Variants in EYS observed in about 807,000 individuals in gnomAD.
EYS encodes EGF-like photoreceptor maintenance factor.
EYS carries 250 observed loss-of-function variants against 282.1 expected under a neutral mutation model. The observed-to-expected ratio is 0.89, with a 90% CI of 0.80 to 0.98. The LOEUF (loss-of-function observed/expected upper bound fraction) is 0.98. EYS is among the 50% of genes least tolerant of loss of function. The probability of loss-of-function intolerance (pLI) is 0.00; values close to 1 mark genes in which losing one functional copy is unlikely to be tolerated. For synonymous variants in EYS, 1,355 were observed against 1,282.9 expected, an observed-to-expected ratio of 1.06 and a Z score of -1.20; for missense variants, 4,016 against 3,709.0, an observed-to-expected ratio of 1.08 and a Z score of -2.15.
chr6:65,137,215 A>G (rs760810198), intron 12 of EYS, among the ~76,000 whole-genome samples: 20 of 152,128 alleles, frequency 1.3e-4, no homozygotes, highest in Non-Finnish European at 2.5e-4. Flanking sequence ...GGAAACCCCA[A>G]TAGAGAAATT....
chr6:64,101,896 T>C (rs1183917971), intron 31 of EYS, among the ~76,000 whole-genome samples: 5 of 152,032 alleles, frequency 3.3e-5, no homozygotes, highest in African/African-American at 7.2e-5. Flanking sequence ...TAGATTCTCA[T>C]AGGGAGTGTG....
intron 35 of EYS, among the ~76,000 whole-genome samples, chr6:63,938,819 C>T (rs533570320): frequency 6.6e-6 from 1 of 152,276 alleles, no homozygotes; most frequent in African/African-American, 2.4e-5. Context: ...CACACGTGTA[C>T]TCAAGGGTGC....
chr6:63,882,917 T>A (rs954233806), intron 35 of EYS, among the ~76,000 whole-genome samples: 2 of 152,118 alleles, frequency 1.3e-5, no homozygotes, highest in Admixed American at 1.3e-4. Flanking sequence ...AAAAGGAGAT[T>A]TGAAAAACTA....
chr6:65,134,247 G>C (rs922930279), intron 12 of EYS, among the ~76,000 whole-genome samples: 1 of 151,766 alleles, frequency 6.6e-6, no homozygotes, highest in Admixed American at 6.6e-5. Flanking sequence ...ATTTGACCCA[G>C]CAATTTCAAA....
intron 22 of EYS, among the ~76,000 whole-genome samples, chr6:64,719,716 C>T (rs189292032): frequency 1.3e-5 from 2 of 152,206 alleles, no homozygotes; most frequent in East Asian, 3.9e-4. Context: ...ACCAGCCTGG[C>T]CAACGTGGGA....
intron 9 of EYS, 133 bp from the exon 10 acceptor site, chr6:65,344,310 T>C (rs952468673): frequency 1.4e-6 from 1 of 727,054 alleles, no homozygotes; most frequent in Non-Finnish European, 2.4e-6. Context: ...AGTTCCTGTA[T>C]GCATATGATA....
intron 2 of EYS, among the ~76,000 whole-genome samples, chr6:65,505,988 C>T (rs1766638921): frequency 6.6e-6 from 1 of 152,158 alleles, no homozygotes; most frequent in South Asian, 2.1e-4. Context: ...TTAATGTATC[C>T]AACCGTAATG....
At chr6:64,532,780 A>T (rs2149794386) in intron 26 of EYS, among the ~76,000 whole-genome samples, 1 of 152,260 alleles carries the variant, frequency 6.6e-6, no homozygotes, top group East Asian at 1.9e-4. Flanking sequence ...AATGTTTGTG[A>T]TTCTTTCCCA....
chr6:63,738,320 A>G (rs1344955369), intron 41 of EYS, among the ~76,000 whole-genome samples: 2 of 152,122 alleles, frequency 1.3e-5, no homozygotes, highest in African/African-American at 2.4e-5. Context: ...CACAATAGCA[A>G]AGACTTGGAA....
At chr6:65,257,644 A>C (rs943869494) in intron 12 of EYS, among the ~76,000 whole-genome samples, 1 of 151,554 alleles carries the variant, frequency 6.6e-6, no homozygotes, top group Non-Finnish European at 1.5e-5. Flanking sequence ...CTGTTTTGGT[A>C]CCAGTACCAT....
intron 22 of EYS, among the ~76,000 whole-genome samples, chr6:64,672,518 G>A (rs546479355): frequency 2.0e-5 from 3 of 152,170 alleles, no homozygotes; most frequent in African/African-American, 7.2e-5. Flanking sequence ...ATAGCAGAGA[G>A]ACATTCACTT....
intron 31 of EYS, among the ~76,000 whole-genome samples, chr6:64,167,924 TGATAA>T (rs150482659): frequency 0.028 from 4,271 of 152,146 alleles, 65 homozygotes; most frequent in Non-Finnish European, 0.045. Context: ...AAACACAAAA[TGATAA>T]GATATTACTT....
chr6:65,436,787 T>C (rs889577798), intron 5 of EYS, among the ~76,000 whole-genome samples: 1 of 152,106 alleles, frequency 6.6e-6, no homozygotes, highest in Non-Finnish European at 1.5e-5. Flanking sequence ...TATAAATCTT[T>C]CTTGAAATAA....
At chr6:65,480,195 A>G (rs1218472914) in intron 5 of EYS, among the ~76,000 whole-genome samples, 1 of 152,022 alleles carries the variant, frequency 6.6e-6, no homozygotes, top group African/African-American at 2.4e-5. Flanking sequence ...TAATTAATTA[A>G]AAGGCAAATC....
At chr6:63,921,221 A>T (rs536673360) in intron 35 of EYS, among the ~76,000 whole-genome samples, 1 of 152,112 alleles carries the variant, frequency 6.6e-6, no homozygotes, top group Non-Finnish European at 1.5e-5. Context: ...TCTGCAGTTG[A>T]GAACTGGTTA....
chr6:64,976,371 TA>T (rs796473066), intron 14 of EYS, among the ~76,000 whole-genome samples: 2,604 of 145,916 alleles, frequency 0.018, 59 homozygotes, highest in African/African-American at 0.056. Context: ...AGGCTGCTAT[TA>T]AAAAAAAAAA....
At chr6:65,409,573 C>T (rs998289201) in intron 5 of EYS, among the ~76,000 whole-genome samples, 3 of 152,126 alleles carry the variant, frequency 2.0e-5, no homozygotes, top group African/African-American at 7.2e-5. Flanking sequence ...AGGGAGACAT[C>T]TGACTCCTAG....
intron 1 of EYS, among the ~76,000 whole-genome samples, chr6:65,690,054 T>C (rs927210087): frequency 3.3e-5 from 5 of 150,044 alleles, no homozygotes; most frequent in African/African-American, 7.3e-5. Context: ...GGTGAGATGG[T>C]CACATGGGGA....
chr6:64,580,601 T>G (rs1251852678), intron 26 of EYS, among the ~76,000 whole-genome samples: 1 of 152,204 alleles, frequency 6.6e-6, no homozygotes, highest in Non-Finnish European at 1.5e-5. Flanking sequence ...TTGAATATAC[T>G]AGTTGGAATG....
Sources: allele counts gnomAD v4.1 joint callset (sites outside exome capture counted in the v4.1 genomes callset), GRCh38; gene constraint gnomAD v4.1.1; transcripts MANE v1.5; gene names NCBI Gene and HGNC (gene_info 2026-07-23, HGNC 2026-07-21).